EIF3H: variants seen among roughly 807,000 people sequenced by gnomAD.
EIF3H encodes eukaryotic translation initiation factor 3 subunit H.
In EIF3H, 26 loss-of-function variants were observed where a neutral mutation model predicts 44.2. The observed-to-expected ratio is 0.59, with a 90% CI of 0.43 to 0.82. The LOEUF is 0.82. EIF3H is among the 40% of genes least tolerant of loss of function. The probability of loss-of-function intolerance (pLI) is 0.00; values close to 1 mark genes in which losing one functional copy is unlikely to be tolerated. For synonymous variants in EIF3H, 166 were observed against 151.9 expected (o/e 1.09, Z -0.68); for missense variants, 359 against 432.8 (o/e 0.83, Z 1.51).
intron 2 of EIF3H, among the ~76,000 whole-genome samples, chr8:116,686,210 C>T (rs567043059): frequency 9.9e-5 from 15 of 152,228 alleles, no homozygotes; most frequent in African/African-American, 2.6e-4. Flanking sequence ...AGTTTACAAA[C>T]GCTACTCATG....
chr8:116,681,441 C>T lies in EIF3H; in HGVS notation c.290-22461G>A, dbSNP rs554353895. On this transcript the variant is annotated intron_variant, in intron 2 of 7. Coordinates refer to ENST00000521861, the MANE Select transcript of EIF3H (RefSeq NM_003756.3). ...TCAGCACCTGGGAGGTCGAGGCGGG[C>T]GGATCACCTGAGGTAGGGAGTTCAA... Among the ~76,000 whole-genome samples the T allele has an allele frequency of 3.9e-5, 6 of 151,942 alleles. No individual in the cohort carries two copies. The East Asian group carries it at 7.7e-4, about 20-fold the overall frequency.
At chr8:116,736,355 A>G (rs1263769951) in intron 1 of EIF3H, among the ~76,000 whole-genome samples, 1 of 152,156 alleles carries the variant, frequency 6.6e-6, no homozygotes, top group African/African-American at 2.4e-5. Flanking sequence ...AGTTCATCCA[A>G]CTGTGCATTT....
At chr8:116,711,266 A>G (rs1586469783) in intron 2 of EIF3H, among the ~76,000 whole-genome samples, 1 of 152,232 alleles carries the variant, frequency 6.6e-6, no homozygotes, top group Non-Finnish European at 1.5e-5. Context: ...AACACTGCAT[A>G]TAACTTCTAT....
intron 2 of EIF3H, among the ~76,000 whole-genome samples, chr8:116,688,563 A>G (rs1814119221): frequency 6.6e-6 from 1 of 152,268 alleles, no homozygotes; most frequent in South Asian, 2.1e-4. Context: ...TTCATAATGC[A>G]TGTAAACACT....
chr8:116,697,063 G>A, intron 2 of EIF3H: 1 of 456,148 alleles, frequency 2.2e-6, no homozygotes. Flanking sequence ...CTCTCCAGCT[G>A]GGATCTCTCT....
intron 2 of EIF3H, among the ~76,000 whole-genome samples, chr8:116,666,398 A>C (rs1374745164): frequency 6.6e-6 from 1 of 152,146 alleles, no homozygotes; most frequent in Non-Finnish European, 1.5e-5. Flanking sequence ...AATAAATTGG[A>C]TTCTTCACAC....
chr8:116,744,223 A>AC (rs1815190398), intron 1 of EIF3H, among the ~76,000 whole-genome samples: 1 of 151,676 alleles, frequency 6.6e-6, no homozygotes, highest in Non-Finnish European at 1.5e-5. Flanking sequence ...TTAAAAAAAA[A>AC]AAAAACAAAC....
chr8:116,655,845 G>A lies in EIF3H; in HGVS notation c.707+11C>T. On this transcript the variant is annotated intron_variant, in intron 5 of 7. Coordinates refer to ENST00000521861, the MANE Select transcript of EIF3H (RefSeq NM_003756.3). ...TAAAACATGGGCTTTTCATTAGGCA[G>A]GGCCACTTACCTGCTGGCAAGGCTG... is the stretch of plus-strand genomic sequence containing the variant. 1 of 1,613,214 alleles carries A rather than the reference G, an allele frequency of 6.2e-7. No homozygotes were observed. Among genetic ancestry groups the A allele is most frequent in the Non-Finnish European group, 8.5e-7 (1 of 1,179,528 alleles).
intron 2 of EIF3H, among the ~76,000 whole-genome samples, chr8:116,724,329 C>G (rs1814798127): frequency 6.6e-6 from 1 of 152,120 alleles, no homozygotes; most frequent in African/African-American, 2.4e-5. Context: ...AAGACCTAAA[C>G]ATAAGACCTG....
chr8:116,739,076 GCAGT>G (rs1396403344), intron 1 of EIF3H, among the ~76,000 whole-genome samples: 1 of 152,206 alleles, frequency 6.6e-6, no homozygotes, highest in African/African-American at 2.4e-5. Context: ...ACACTGGAAG[GCAGT>G]CAGTTTACTG....
At position 116,705,496 on chromosome 8, in the gene EIF3H, C is replaced by G. The variant is rs557483227; in HGVS notation, c.289+20520G>C. On this transcript the variant is annotated intron_variant, in intron 2 of 7. Coordinates refer to ENST00000521861, the MANE Select transcript of EIF3H (RefSeq NM_003756.3). Reference sequence around the variant, plus strand: ...CCATGTGGGTAACATGTTACACCCCCCCCCACCACCAACACCCCAGGAGAA... The same window carrying G: ...CCATGTGGGTAACATGTTACACCCCGCCCCACCACCAACACCCCAGGAGAA... Among the ~76,000 whole-genome samples, 17 of 126,350 alleles carry G rather than the reference C, an allele frequency of 1.3e-4. 1 individual carries two copies. Among genetic ancestry groups the G allele is most frequent in the East Asian group, 1.2e-3 (6 of 4,948 alleles). 82.9% of individuals were successfully genotyped at this position (126,350 alleles called of 152,430 possible). A position where few individuals can be genotyped will look rare whatever the true frequency, so the allele number is the denominator to read the frequency against.
chr8:116,752,701 AAAG>A (rs1563662911), intron 1 of EIF3H, among the ~76,000 whole-genome samples: 1 of 135,162 alleles, frequency 7.4e-6, no homozygotes, highest in Non-Finnish European at 1.6e-5. Context: ...AGAAAGAAAG[AAAG>A]AAAGAAAGAA....
At chr8:116,648,773 T>C (rs780226312) in intron 6 of EIF3H, 33 bp downstream of exon 6, 2 of 1,554,248 alleles carry the variant, frequency 1.3e-6, no homozygotes, top group South Asian at 1.2e-5. Context: ...AACTTAGAAA[T>C]AGCTGTTTGT....
chr8:116,683,035 C>A (rs1273652140), intron 2 of EIF3H, among the ~76,000 whole-genome samples: 1 of 152,150 alleles, frequency 6.6e-6, no homozygotes, highest in Non-Finnish European at 1.5e-5. Flanking sequence ...CATCATAAAA[C>A]AAAAATTTCA....
intron 2 of EIF3H, among the ~76,000 whole-genome samples, chr8:116,718,524 T>A (rs1018702432): frequency 2.6e-5 from 4 of 151,362 alleles, no homozygotes; most frequent in South Asian, 4.1e-4. Context: ...ATATATATAT[T>A]ATGGAATATT....
intron 2 of EIF3H, among the ~76,000 whole-genome samples, chr8:116,683,812 A>G (rs965105530): frequency 6.6e-6 from 1 of 152,230 alleles, no homozygotes; most frequent in Non-Finnish European, 1.5e-5. Flanking sequence ...ATACTTGGTG[A>G]TTTATATAAT....
At chr8:116,684,725 C>G (rs1814045398) in intron 2 of EIF3H, among the ~76,000 whole-genome samples, 1 of 152,142 alleles carries the variant, frequency 6.6e-6, no homozygotes, top group Admixed American at 6.5e-5. Flanking sequence ...TTCTTTTGAA[C>G]TGTACACATA....
rs144353964 is a variant in EIF3H, at chr8:116,682,257, T to C, written c.290-23277A>G. On this transcript the variant is annotated intron_variant, in intron 2 of 7. Coordinates refer to ENST00000521861, the MANE Select transcript of EIF3H (RefSeq NM_003756.3). ...AAACTTTTCACTGGTAAATGGAAGC[T>C]TGGCAATCGGGGCAATACATAGAGG... Among the ~76,000 whole-genome samples, 20 of 152,328 alleles carry C rather than the reference T, an allele frequency of 1.3e-4. No individual in the cohort carries two copies. The East Asian group carries it at 2.3e-3, about 18-fold the overall frequency.
rs1814045630 is a variant in EIF3H at position 116,684,734 on chromosome 8, T to C, written c.290-25754A>G. ...AAATAATTCTTTTGAACTGTACACATACACTACAGGAAATATGCATAGCAT... is the reference window on the plus strand; with the variant it reads ...AAATAATTCTTTTGAACTGTACACACACACTACAGGAAATATGCATAGCAT... On this transcript the variant is annotated intron_variant, in intron 2 of 7. Transcript: ENST00000521861. 2.0e-5 allele frequency among the ~76,000 whole-genome samples: 3 copies of C among 152,184 alleles called. No homozygotes were observed. In the South Asian group the frequency reaches 6.2e-4, roughly 31 times the overall value.
Sources: gnomAD v4.1 joint callset for allele counts (sites outside exome capture counted in the v4.1 genomes callset) on GRCh38, gnomAD v4.1.1 for gene constraint, MANE v1.5 for transcripts, NCBI Gene and HGNC (gene_info 2026-07-23, HGNC 2026-07-21) for gene names.